The following MYT1L variants were observed in gnomAD, a reference collection of about 807,000 sequenced individuals.
MYT1L encodes the protein myelin transcription factor 1 like, also known as myelin transcription factor 1-like protein.
Under a neutral mutation model 126.7 loss-of-function variants are expected in MYT1L, and 12 were observed. The ratio of observed to expected loss-of-function variants is 0.09; its 90% CI spans 0.06 to 0.15. The LOEUF is 0.15. Among genes scored for constraint, MYT1L ranks in the 10% least tolerant of loss-of-function variants. MYT1L has a pLI of 1.00. For missense variants in MYT1L, 979 were observed against 1,585.2 expected, an observed-to-expected ratio of 0.62 and a Z score of 6.49; for synonymous variants, 541 against 604.2, an observed-to-expected ratio of 0.90 and a Z score of 1.53.
At chr2:2,271,506 C>G (rs1047545520) in intron 2 of MYT1L, among the ~76,000 whole-genome samples, 22 of 152,190 alleles carry the variant, frequency 1.4e-4, no homozygotes, top group Admixed American at 1.4e-3. Flanking sequence ...CTAGAGGGAA[C>G]AAACAGAGCC....
chr2:1,932,253 C>T (rs1418891231), intron 9 of MYT1L, among the ~76,000 whole-genome samples: 1 of 152,130 alleles, frequency 6.6e-6, no homozygotes, highest in Non-Finnish European at 1.5e-5. Flanking sequence ...TATGAAATTC[C>T]ATGAGCCATG....
chr2:2,033,384 C>G (rs1437325898), intron 4 of MYT1L, among the ~76,000 whole-genome samples: 7 of 148,850 alleles, frequency 4.7e-5, no homozygotes, highest in African/African-American at 1.5e-4. Context: ...CTTACACATA[C>G]CCCTCGCCAG....
At chr2:2,126,322 T>C (rs896142872) in intron 3 of MYT1L, among the ~76,000 whole-genome samples, 2 of 152,210 alleles carry the variant, frequency 1.3e-5, no homozygotes, top group African/African-American at 4.8e-5. Flanking sequence ...CTAGAATTGT[T>C]CCAAATTAAA....
intron 4 of MYT1L, among the ~76,000 whole-genome samples, chr2:2,008,852 A>AT (rs995854366): frequency 3.2e-4 from 49 of 151,774 alleles, no homozygotes; most frequent in African/African-American, 1.1e-3. Flanking sequence ...AGTTATTATT[A>AT]TTTTTTTTAA....
At position 2,006,975 on chromosome 2, in the gene MYT1L, T is replaced by G. The variant is rs530113440; in HGVS notation, c.-157-9628A>C. Reference sequence around the variant, plus strand: ...TTATATTACGTAGTATAATATTTTCTGGGTATATCTATATTGTGGCAAATA... The same window carrying G: ...TTATATTACGTAGTATAATATTTTCGGGGTATATCTATATTGTGGCAAATA... On this transcript the variant is annotated intron_variant, in intron 4 of 24. Transcript: ENST00000647738. Among the ~76,000 whole-genome samples the G allele has an allele frequency of 3.9e-5, 6 of 152,286 alleles. No homozygotes were observed. In the South Asian group the frequency reaches 1.0e-3, roughly 26 times the overall value.
intron 1 of MYT1L, among the ~76,000 whole-genome samples, chr2:2,287,581 A>T (rs376599119): frequency 6.6e-6 from 1 of 152,226 alleles, no homozygotes; most frequent in East Asian, 1.9e-4. Flanking sequence ...TGGCAATTTC[A>T]GGAGCACAGA....
At chr2:2,113,067 C>G (rs533621187) in intron 3 of MYT1L, among the ~76,000 whole-genome samples, 20 of 152,260 alleles carry the variant, frequency 1.3e-4, no homozygotes, top group Middle Eastern at 6.8e-3. Context: ...CCACGGGGGC[C>G]CTGCCAGCTT....
Position 2,085,479 on chromosome 2 carries a change from T to A in MYT1L, c.-303-31356A>T, listed in dbSNP as rs76664590. Among the ~76,000 whole-genome samples the A allele has an allele frequency of 1.8e-4, 28 of 152,288 alleles. No homozygotes were observed. In the East Asian group the frequency reaches 5.4e-3, roughly 29 times the overall value. On this transcript the variant is annotated intron_variant, in intron 3 of 24. Transcript: ENST00000647738. ...TCTACATTAAGTCTATGCTGCTCCCTTTCCCACCCCCAGAATAGTTTCTCC... is the reference window on the plus strand; with the variant it reads ...TCTACATTAAGTCTATGCTGCTCCCATTCCCACCCCCAGAATAGTTTCTCC...
chr2:1,840,965 G>T (rs1353456729), intron 19 of MYT1L, 122 bp from the exon 20 acceptor site: 10 of 664,048 alleles, frequency 1.5e-5, no homozygotes, highest in Non-Finnish European at 2.5e-5. Flanking sequence ...GTGCAGTGGT[G>T]TGATCTCGGC....
At chr2:1,913,472 A>G (rs1302674562) in intron 11 of MYT1L, among the ~76,000 whole-genome samples, 1 of 152,102 alleles carries the variant, frequency 6.6e-6, no homozygotes, top group Non-Finnish European at 1.5e-5. Flanking sequence ...TCCCAGAGGA[A>G]GAAGTGCTGC....
chr2:2,092,311 G>GA (rs1553470521), intron 3 of MYT1L, among the ~76,000 whole-genome samples: 288 of 151,934 alleles, frequency 1.9e-3, no homozygotes, highest in African/African-American at 6.7e-3. Flanking sequence ...TTAGAAGGGG[G>GA]AGATAGAAGA....
At chr2:1,862,933 T>G (rs1044624286) in intron 18 of MYT1L, among the ~76,000 whole-genome samples, 1 of 152,120 alleles carries the variant, frequency 6.6e-6, no homozygotes, top group Non-Finnish European at 1.5e-5. Context: ...GAGGAGCTGC[T>G]GCAGGTGCAT....
At chr2:1,915,937 C>CTTG (rs2052759271) in intron 11 of MYT1L, among the ~76,000 whole-genome samples, 2 of 152,144 alleles carry the variant, frequency 1.3e-5, no homozygotes. Context: ...GTTCAGTGAA[C>CTTG]TTGTGTTTGC....
chr2:2,273,119 T>A (rs2095295801), intron 2 of MYT1L, among the ~76,000 whole-genome samples: 1 of 152,092 alleles, frequency 6.6e-6, no homozygotes, highest in Non-Finnish European at 1.5e-5. Flanking sequence ...GCGGGCTGTA[T>A]CCTGCCCCCT....
intron 3 of MYT1L, among the ~76,000 whole-genome samples, chr2:2,112,036 A>G (rs953453618): frequency 6.6e-6 from 1 of 152,224 alleles, no homozygotes; most frequent in African/African-American, 2.4e-5. Context: ...CAGCTTCCTG[A>G]GGAGCGTCAC....
Position 2,170,444 on chromosome 2 carries a change from C to T in MYT1L, c.-304+2428G>A, listed in dbSNP as rs77283644. ...GTTGCCTGTGGCTCATTTCAGACAG[C>T]GGTGGCAGTGATGAGCAGTTGCACG... is the stretch of plus-strand genomic sequence containing the variant. On this transcript the variant is annotated intron_variant, in intron 3 of 24. Transcript: ENST00000647738. Among the ~76,000 whole-genome samples, 819 of 152,254 alleles carry T rather than the reference C, an allele frequency of 5.4e-3. 5 individuals carry two copies. The highest frequency in any genetic ancestry group is 0.018 in the African/African-American group (758 of 41,550).
At chr2:1,834,589 C>T (rs2040583283) in intron 21 of MYT1L, among the ~76,000 whole-genome samples, 1 of 152,160 alleles carries the variant, frequency 6.6e-6, no homozygotes, top group Non-Finnish European at 1.5e-5. Context: ...AAAAGCAAAC[C>T]CCATGGGATT....
chr2:2,202,664 T>C (rs974791615), intron 2 of MYT1L, among the ~76,000 whole-genome samples: 2 of 152,068 alleles, frequency 1.3e-5, no homozygotes, highest in African/African-American at 2.4e-5. Flanking sequence ...CAGGACCAGA[T>C]GGATTCACAG....
At chr2:1,913,637 T>C (rs553231470) in intron 11 of MYT1L, among the ~76,000 whole-genome samples, 1 of 152,308 alleles carries the variant, frequency 6.6e-6, no homozygotes, top group East Asian at 1.9e-4. Context: ...ACTGCTCCCC[T>C]CTGACATGTA....
Sources: allele counts gnomAD v4.1 joint callset (sites outside exome capture counted in the v4.1 genomes callset), GRCh38; gene constraint gnomAD v4.1.1; transcripts MANE v1.5; gene names NCBI Gene and HGNC (gene_info 2026-07-23, HGNC 2026-07-21).